Variants in QSOX1 observed in about 807,000 individuals in gnomAD.
QSOX1 encodes sulfhydryl oxidase 1.
A neutral mutation model predicts 76.1 loss-of-function variants in QSOX1; 40 were observed. The ratio of observed to expected loss-of-function variants is 0.53; its 90% CI spans 0.41 to 0.68. The LOEUF (loss-of-function observed/expected upper bound fraction) is 0.68, where lower values mean the gene tolerates loss of function less well. Among genes scored for constraint, QSOX1 ranks in the 30% least tolerant of loss-of-function variants. The pLI is 0.00. For synonymous variants in QSOX1, 392 were observed against 413.1 expected, an observed-to-expected ratio of 0.95 and a Z score of 0.62; for missense variants, 931 against 974.3, an observed-to-expected ratio of 0.96 and a Z score of 0.59.
chr1:180,197,474 T>C lies in QSOX1; in HGVS notation c.*437T>C, dbSNP rs566051126. 20 of 1,364,170 alleles carry C rather than the reference T, an allele frequency of 1.5e-5. No individual in the cohort carries two copies. The East Asian group carries it at 4.4e-4, about 30-fold the overall frequency. The allele number at this position is 1,364,170 out of a possible 1,614,324, so 84.5% of individuals were successfully genotyped here. A position where few individuals can be genotyped will look rare whatever the true frequency, so the allele number is the denominator to read the frequency against. The stretch of plus-strand genomic sequence containing the variant: ...GGAACTCCTCACTAGCTGCTGGGGC[T>C]CCGCCCACCCTGCTCCCTTCCGGAC... On this transcript the variant is annotated 3_prime_UTR_variant, in exon 12 of 12. Transcript: ENST00000367602.
chr1:180,175,482 C>A, intron 3 of QSOX1, 116 bp downstream of exon 3: 1 of 1,085,438 alleles, frequency 9.2e-7, no homozygotes, highest in Non-Finnish European at 1.4e-6. Context: ...GAGGGTGAGG[C>A]GGTCCCCACG....
intron 3 of QSOX1, 116 bp downstream of exon 3, chr1:180,175,482 C>T (rs1203830036): frequency 2.4e-5 from 26 of 1,085,324 alleles, no homozygotes; most frequent in East Asian, 1.4e-4. Flanking sequence ...GAGGGTGAGG[C>T]GGTCCCCACG....
intron 11 of QSOX1, among the ~76,000 whole-genome samples, chr1:180,195,003 G>GGGT (rs1572056429): frequency 6.6e-6 from 1 of 152,084 alleles, no homozygotes; most frequent in Non-Finnish European, 1.5e-5. Flanking sequence ...TCCCGGGGGG[G>GGGT]GGAGACCAGG....
intron 2 of QSOX1, among the ~76,000 whole-genome samples, chr1:180,167,240 C>T (rs1429265780): frequency 1.3e-5 from 2 of 152,238 alleles, no homozygotes; most frequent in Non-Finnish European, 2.9e-5. Context: ...AGGGCCCTCC[C>T]CTGGGCTCAG....
intron 8 of QSOX1, among the ~76,000 whole-genome samples, chr1:180,188,848 C>T (rs1336747437): frequency 6.6e-6 from 1 of 152,250 alleles, no homozygotes; most frequent in Non-Finnish European, 1.5e-5. Flanking sequence ...CCCTCCGCCC[C>T]TTGTGCTGTG....
rs967650084 is a variant in QSOX1, at chr1:180,189,773, C to T, written c.1140+99C>T. ...TTCTGACCTTCTTCGCCAGTTTGCA[C>T]CAGGGAGTCAGTGATCTTCGTTGGG... On this transcript the variant is annotated intron_variant, in intron 9 of 11. Transcript: ENST00000367602. 5.7e-6 allele frequency: 8 copies of T among 1,391,630 alleles called. No individual in the cohort carries two copies. The African/African-American group carries it at 8.7e-5, about 15-fold the overall frequency. The allele number at this position is 1,391,630 out of a possible 1,614,324, so 86.2% of individuals were successfully genotyped here. A position where few individuals can be genotyped will look rare whatever the true frequency, so the allele number is the denominator to read the frequency against.
At chr1:180,171,515 T>A (rs1662759483) in intron 2 of QSOX1, among the ~76,000 whole-genome samples, 1 of 152,106 alleles carries the variant, frequency 6.6e-6, no homozygotes, top group African/African-American at 2.4e-5. Flanking sequence ...ACAGGTGAGG[T>A]CTGAGATGCA....
rs1662502803 is a variant in QSOX1, at chr1:180,161,977, T to A, written c.266-4514T>A. Among the ~76,000 whole-genome samples, 4 of 152,324 alleles carry A rather than the reference T, an allele frequency of 2.6e-5. 1 individual carries two copies. In the South Asian group the frequency reaches 8.3e-4, roughly 32 times the overall value. ...ATTATAGTTGCTTAGAAAAAAGCTT[T>A]TAGAAAAACATCAGAATAAAGCAAT... is the stretch of plus-strand genomic sequence containing the variant. On this transcript the variant is annotated intron_variant, in intron 1 of 11. Coordinates refer to ENST00000367602, the MANE Select transcript of QSOX1 (RefSeq NM_002826.5).
intron 2 of QSOX1, 78 bp downstream of exon 2, chr1:180,166,669 G>A: frequency 1.4e-6 from 2 of 1,398,376 alleles, no homozygotes; most frequent in Non-Finnish European, 2.0e-6. Context: ...CATGTGGGAT[G>A]TGTCGGGATG....
Position 180,199,943 on chromosome 1 carries a change from G to C in QSOX1, c.*2906G>C, listed in dbSNP as rs1048659274. 1 of 152,092 alleles carries C rather than the reference G, an allele frequency of 6.6e-6. No homozygotes were observed. Among genetic ancestry groups the C allele is most frequent in the African/African-American group, 2.4e-5 (1 of 41,406 alleles). The allele number at this position is 152,092 out of a possible 1,614,324, so 9.4% of individuals were successfully genotyped here. On this transcript the variant is annotated 3_prime_UTR_variant, in exon 12 of 12. Coordinates refer to ENST00000367602, the MANE Select transcript of QSOX1 (RefSeq NM_002826.5). ...TCTCCAGCAGCCTTGGTATGGGGTG[G>C]GGGTGGGAAGACCCCTGATGCAGCC...
intron 5 of QSOX1, 102 bp from the exon 6 acceptor site, chr1:180,182,072 A>G (rs1663051096): frequency 8.3e-7 from 1 of 1,202,046 alleles, no homozygotes; most frequent in Non-Finnish European, 1.2e-6. Context: ...TGGAAGGAGC[A>G]CAGCTGCCAT....
In QSOX1 at chr1:180,194,310, C is replaced by T; in HGVS notation, c.1386C>T (p.Ala462=). The change falls in exon 11 of 12, where the codon GCC becomes GCT. Residue 462 remains alanine, a synonymous_variant. Transcript: ENST00000367602. ...CASHFEQMAA[A]SMHRVGSPNA... ...GCCACTTCGAGCAGATGGCTGCTGC[C>T]TCCATGCACCGGGTGGGGAGTCCCA... is the stretch of plus-strand genomic sequence containing the variant. 1 of 1,611,428 alleles carries T rather than the reference C, an allele frequency of 6.2e-7. No homozygotes were observed. Among genetic ancestry groups the T allele is most frequent in the Non-Finnish European group, 8.5e-7 (1 of 1,178,254 alleles).
At chr1:180,180,234 G>C (rs1662995704) in intron 5 of QSOX1, among the ~76,000 whole-genome samples, 1 of 152,236 alleles carries the variant, frequency 6.6e-6, no homozygotes, top group Admixed American at 6.5e-5. Flanking sequence ...TTGTGAGACG[G>C]AGTTTCACTC....
chr1:180,184,808 A>C lies in QSOX1; in HGVS notation c.887+758A>C, dbSNP rs560735404. 1.7e-4 allele frequency among the ~76,000 whole-genome samples: 26 copies of C among 152,338 alleles called. 1 individual carries two copies. The South Asian group carries it at 5.0e-3, about 29-fold the overall frequency. ...AAGGTGATTGCAAGAAGGACTTTGCATCCTAGCATGAGGGACTTTAAGGGT... is the reference window on the plus strand; with the variant it reads ...AAGGTGATTGCAAGAAGGACTTTGCCTCCTAGCATGAGGGACTTTAAGGGT... On this transcript the variant is annotated intron_variant, in intron 7 of 11. Coordinates refer to ENST00000367602, the MANE Select transcript of QSOX1 (RefSeq NM_002826.5).
chr1:180,166,447 G>T (rs1395461831), intron 1 of QSOX1, 44 bp from the exon 2 acceptor site: 10 of 1,494,834 alleles, frequency 6.7e-6, no homozygotes, highest in African/African-American at 1.4e-5. Context: ...GGCAGAGGGG[G>T]TACCAGCCCC....
intron 10 of QSOX1, among the ~76,000 whole-genome samples, chr1:180,192,976 G>C (rs1031479741): frequency 6.6e-6 from 1 of 152,030 alleles, no homozygotes; most frequent in Non-Finnish European, 1.5e-5. Flanking sequence ...TAGAGGTGTA[G>C]TCACTGGGGC....
intron 5 of QSOX1, 146 bp downstream of exon 5, chr1:180,179,030 A>C: frequency 1.5e-6 from 1 of 678,822 alleles, no homozygotes; most frequent in Admixed American, 2.7e-5. Context: ...GCTGGGAGCC[A>C]TGGGAAGTGC....
In QSOX1 at chr1:180,190,596, G is replaced by A. The variant is rs775314493; in HGVS notation, c.1288+16G>A. 30 of 1,605,592 alleles carry A rather than the reference G, an allele frequency of 1.9e-5. No homozygotes were observed. The highest frequency in any genetic ancestry group is 2.2e-5 in the Non-Finnish European group (26 of 1,174,006). ...CAGGAAGCAGGTACGTCCAGGACCCGTTCACCCCACTGTGCCTCCAACCCT... is the reference window on the plus strand; with the variant it reads ...CAGGAAGCAGGTACGTCCAGGACCCATTCACCCCACTGTGCCTCCAACCCT... On this transcript the variant is annotated intron_variant, in intron 10 of 11. Transcript: ENST00000367602.
chr1:180,197,146 G>T lies in QSOX1; in HGVS notation c.*109G>T. ...CTTGCTCCTTGTCTGGCCTAGAAGTGTGGGAAATTCAGGAAAACGAGTTGC... is the reference window on the plus strand; with the variant it reads ...CTTGCTCCTTGTCTGGCCTAGAAGTTTGGGAAATTCAGGAAAACGAGTTGC... On this transcript the variant is annotated 3_prime_UTR_variant, in exon 12 of 12. Transcript: ENST00000367602. The T allele has an allele frequency of 6.7e-7, 1 of 1,494,624 alleles. No individual in the cohort carries two copies. The highest frequency in any genetic ancestry group is 2.3e-5 in the East Asian group (1 of 42,778). 92.6% of individuals were successfully genotyped at this position (1,494,624 alleles called of 1,614,324 possible).
Sources: gnomAD v4.1 joint callset for allele counts (sites outside exome capture counted in the v4.1 genomes callset) on GRCh38, gnomAD v4.1.1 for gene constraint, MANE v1.5 for transcripts, NCBI Gene and HGNC (gene_info 2026-07-23, HGNC 2026-07-21) for gene names.